EPHA6: variants seen among roughly 807,000 people sequenced by gnomAD.
EPHA6 encodes the protein EPH receptor A6, also known as ephrin type-A receptor 6.
In EPHA6, 50 loss-of-function variants were observed where a neutral mutation model predicts 112.0. The observed-to-expected ratio is 0.45, with a 90% CI of 0.36 to 0.56. EPHA6 has a LOEUF of 0.56. EPHA6 is among the 20% of genes least tolerant of loss of function. The pLI is 0.00. For synonymous variants in EPHA6, 529 were observed against 490.7 expected (o/e 1.08, Z -1.03); for missense variants, 1,280 against 1,417.4 (o/e 0.90, Z 1.56).
chr3:97,384,614 T>C (rs551821820), intron 5 of EPHA6, among the ~76,000 whole-genome samples: 14 of 152,342 alleles, frequency 9.2e-5, no homozygotes, highest in African/African-American at 3.1e-4. Flanking sequence ...CTCTTGAGCC[T>C]GAGTCAACAG....
chr3:97,241,774 T>G (rs909917215), intron 4 of EPHA6, among the ~76,000 whole-genome samples: 30 of 150,064 alleles, frequency 2.0e-4, no homozygotes, highest in South Asian at 2.1e-4. Context: ...TTTTTTTGTT[T>G]TTTTTTTTAG....
intron 3 of EPHA6, among the ~76,000 whole-genome samples, chr3:97,150,057 C>T (rs374500146): frequency 6.6e-6 from 1 of 151,808 alleles, no homozygotes; most frequent in Admixed American, 6.6e-5. Context: ...CATTTCCTTC[C>T]TAAGTTATGA....
intron 10 of EPHA6, among the ~76,000 whole-genome samples, chr3:97,519,140 A>G (rs2107613501): frequency 6.6e-6 from 1 of 152,222 alleles, no homozygotes; most frequent in African/African-American, 2.4e-5. Flanking sequence ...TCCTGCATTT[A>G]AATCTTTAAT....
chr3:96,935,578 A>G (rs1045966310), intron 2 of EPHA6, among the ~76,000 whole-genome samples: 1 of 149,622 alleles, frequency 6.7e-6, no homozygotes, highest in African/African-American at 2.4e-5. Flanking sequence ...GATAGCATAT[A>G]AAAATTTCCA....
intron 3 of EPHA6, among the ~76,000 whole-genome samples, chr3:97,155,267 C>T (rs754897378): frequency 1.3e-5 from 2 of 148,770 alleles, no homozygotes; most frequent in Non-Finnish European, 3.0e-5. Flanking sequence ...GAACCTCAGA[C>T]CAAAACCCCT....
chr3:97,291,901 C>T (rs1360922153), intron 5 of EPHA6, among the ~76,000 whole-genome samples: 1 of 152,220 alleles, frequency 6.6e-6, no homozygotes, highest in Non-Finnish European at 1.5e-5. Context: ...TTTGCTTGTG[C>T]CTGCTGGACT....
At chr3:97,062,272 A>G (rs1449046649) in intron 3 of EPHA6, among the ~76,000 whole-genome samples, 2 of 152,206 alleles carry the variant, frequency 1.3e-5, no homozygotes, top group African/African-American at 2.4e-5. Context: ...AAATGTTTAT[A>G]TAAAAATTAA....
chr3:96,989,244 T>G (rs1385544857), intron 3 of EPHA6, among the ~76,000 whole-genome samples: 1 of 152,198 alleles, frequency 6.6e-6, no homozygotes, highest in Non-Finnish European at 1.5e-5. Flanking sequence ...TATAAAACAC[T>G]TGGGTTCTTG....
chr3:97,104,775 G>C (rs1441551130), intron 3 of EPHA6, among the ~76,000 whole-genome samples: 1 of 151,948 alleles, frequency 6.6e-6, no homozygotes, highest in South Asian at 2.1e-4. Context: ...TTGGTCTTGG[G>C]CTTTTTTTGG....
intron 2 of EPHA6, among the ~76,000 whole-genome samples, chr3:96,896,600 G>A (rs1451964919): frequency 6.6e-6 from 1 of 152,122 alleles, no homozygotes; most frequent in African/African-American, 2.4e-5. Flanking sequence ...CCATCACGTT[G>A]CATTGGTGTT....
intron 3 of EPHA6, among the ~76,000 whole-genome samples, chr3:97,088,906 C>T (rs140877131): frequency 1.8e-3 from 275 of 152,196 alleles, no homozygotes; most frequent in Non-Finnish European, 3.5e-3. Flanking sequence ...ATACTCGAGA[C>T]GCTAAGGAAG....
chr3:97,147,382 G>T (rs2076067847), intron 3 of EPHA6, among the ~76,000 whole-genome samples: 1 of 151,952 alleles, frequency 6.6e-6, no homozygotes, highest in African/African-American at 2.4e-5. Flanking sequence ...ATGTTTACTT[G>T]ACTTTTTTCC....
intron 6 of EPHA6, among the ~76,000 whole-genome samples, chr3:97,430,253 T>C (rs2089425002): frequency 6.6e-6 from 1 of 152,096 alleles, no homozygotes; most frequent in Admixed American, 6.6e-5. Flanking sequence ...CTTTGTAAAT[T>C]TCAAAGAATA....
intron 4 of EPHA6, among the ~76,000 whole-genome samples, chr3:97,233,410 T>C (rs1220356414): frequency 6.6e-6 from 1 of 151,710 alleles, no homozygotes; most frequent in Non-Finnish European, 1.5e-5. Context: ...AAATGACAAG[T>C]TAAGAGGTTG....
intron 3 of EPHA6, among the ~76,000 whole-genome samples, chr3:97,035,329 C>A (rs760778001): frequency 6.6e-6 from 1 of 151,946 alleles, no homozygotes; most frequent in Non-Finnish European, 1.5e-5. Flanking sequence ...CACCAGGATG[C>A]TTTGCAGATA....
Position 96,965,600 on chromosome 3 carries a change from T to C in EPHA6, c.451-21730T>C, listed in dbSNP as rs894203478. On this transcript the variant is annotated intron_variant, in intron 2 of 17. Transcript: ENST00000389672. Reference sequence around the variant, plus strand: ...AGATATTAATGCTGCAAATAACATATATAAACCTGTCATCTACCAGTTTTA... The same window carrying C: ...AGATATTAATGCTGCAAATAACATACATAAACCTGTCATCTACCAGTTTTA... Among the ~76,000 whole-genome samples, 44 of 152,146 alleles carry C rather than the reference T, an allele frequency of 2.9e-4. 1 individual carries two copies. The highest frequency in any genetic ancestry group is 1.3e-4 in the Non-Finnish European group (9 of 68,016).
intron 15 of EPHA6, among the ~76,000 whole-genome samples, chr3:97,727,139 C>T (rs1448481481): frequency 6.6e-6 from 1 of 152,006 alleles, no homozygotes; most frequent in Non-Finnish European, 1.5e-5. Context: ...TATCAGGGAG[C>T]ATTTCATTTG....
chr3:97,514,380 G>A lies in EPHA6; in HGVS notation c.2201-17978G>A, dbSNP rs191481894. ...GCCTCCCTTTCATATGTACCCTTGT[G>A]AGTACGCTGAACCTACTTGGATAAT... On this transcript the variant is annotated intron_variant, in intron 10 of 17. Transcript: ENST00000389672. 3.3e-3 allele frequency among the ~76,000 whole-genome samples: 500 copies of A among 152,198 alleles called. 1 individual carries two copies. Among genetic ancestry groups the A allele is most frequent in the African/African-American group, 0.011 (469 of 41,540 alleles).
At position 96,931,018 on chromosome 3, in the gene EPHA6, A is replaced by AAAAAAAAAAAAAAAAAAAAG. The variant is rs796531853; in HGVS notation, c.451-56309_451-56308insAAAAAAAAAAAAAAAAGAAA. Among the ~76,000 whole-genome samples, 23 of 84,580 alleles carry AAAAAAAAAAAAAAAAAAAAG rather than the reference A, an allele frequency of 2.7e-4. 6 individuals are homozygous for AAAAAAAAAAAAAAAAAAAAG. Among genetic ancestry groups the AAAAAAAAAAAAAAAAAAAAG allele is most frequent in the African/African-American group, 9.7e-4 (23 of 23,676 alleles). 55.5% of individuals were successfully genotyped at this position (84,580 alleles called of 152,430 possible). A position where few individuals can be genotyped will look rare whatever the true frequency, so the allele number is the denominator to read the frequency against. ...AAAAAAAAAAAAAAAAAAAAAAAAA[A>AAAAAAAAAAAAAAAAAAAAG]AAAGAAAAGCTTTCTGGCTGCTTTT... On this transcript the variant is annotated intron_variant, in intron 2 of 17. Coordinates refer to ENST00000389672, the MANE Select transcript of EPHA6 (RefSeq NM_001080448.3).
Sources: allele counts gnomAD v4.1 joint callset (sites outside exome capture counted in the v4.1 genomes callset), GRCh38; gene constraint gnomAD v4.1.1; transcripts MANE v1.5; gene names NCBI Gene and HGNC (gene_info 2026-07-23, HGNC 2026-07-21).